The following CDYL2 variants were observed in gnomAD, a reference collection of about 807,000 sequenced individuals.
The protein encoded by CDYL2 is chromodomain Y like 2.
Under a neutral mutation model 49.4 loss-of-function variants are expected in CDYL2, and 23 were observed. The ratio of observed to expected loss-of-function variants is 0.47; its 90% confidence interval spans 0.34 to 0.66. The LOEUF (loss-of-function observed/expected upper bound fraction) is 0.66. Among genes scored for constraint, CDYL2 ranks in the 30% least tolerant of loss-of-function variants. CDYL2 has a pLI of 0.01. For synonymous variants in CDYL2, 360 were observed against 268.8 expected, an observed-to-expected ratio of 1.34 and a Z score of -3.32; for missense variants, 678 against 656.4, an observed-to-expected ratio of 1.03 and a Z score of -0.36.
chr16:80,714,455 A>G (rs1904727994), intron 1 of CDYL2, among the ~76,000 whole-genome samples: 1 of 152,200 alleles, frequency 6.6e-6, no homozygotes, highest in Admixed American at 6.5e-5. Context: ...AAATATGTAC[A>G]ATTACTATAT....
At chr16:80,728,017 A>G (rs1439466079) in intron 1 of CDYL2, among the ~76,000 whole-genome samples, 1 of 152,222 alleles carries the variant, frequency 6.6e-6, no homozygotes, top group Non-Finnish European at 1.5e-5. Context: ...GAGCAGAAAA[A>G]CTGGAAACTC....
rs1230039127 is a variant in CDYL2 at position 80,613,424 on chromosome 16, G to A, written c.1008-588C>T. On this transcript the variant is annotated intron_variant, in intron 4 of 6. Transcript: ENST00000570137. Reference sequence around the variant, plus strand: ...ATGGTGGGTACATGTTGGGATTGATGACATTTTTCTTTCAAAAATCACACC... The same window carrying A: ...ATGGTGGGTACATGTTGGGATTGATAACATTTTTCTTTCAAAAATCACACC... Among the ~76,000 whole-genome samples, 7 of 152,136 alleles carry A rather than the reference G, an allele frequency of 4.6e-5. No homozygotes were observed. In the East Asian group the frequency reaches 1.2e-3, roughly 25 times the overall value.
At chr16:80,804,713 G>C (rs938026610), upstream of CDYL2, among the ~76,000 whole-genome samples, 1 of 148,720 alleles carries the variant, frequency 6.7e-6, no homozygotes, top group Non-Finnish European at 1.5e-5. Context: ...GCTCGGGCCC[G>C]CCCCGCCACC....
At chr16:80,718,966 C>A (rs191792440) in intron 1 of CDYL2, among the ~76,000 whole-genome samples, 1 of 152,266 alleles carries the variant, frequency 6.6e-6, no homozygotes, top group East Asian at 1.9e-4. Context: ...TTGTTCTTGG[C>A]AGTAAATCCA....
intron 1 of CDYL2, among the ~76,000 whole-genome samples, chr16:80,727,442 G>C (rs532916095): frequency 6.6e-6 from 1 of 152,214 alleles, no homozygotes; most frequent in Non-Finnish European, 1.5e-5. Context: ...GGCTCGGAAG[G>C]TCCTACGCCC....
At chr16:80,762,378 A>G (rs1024486624) in intron 1 of CDYL2, among the ~76,000 whole-genome samples, 3 of 152,178 alleles carry the variant, frequency 2.0e-5, no homozygotes, top group Non-Finnish European at 4.4e-5. Flanking sequence ...CTTCAACGGG[A>G]GCAAACCAAA....
intron 1 of CDYL2, among the ~76,000 whole-genome samples, chr16:80,698,947 A>C (rs1033713466): frequency 1.2e-4 from 18 of 152,358 alleles, no homozygotes; most frequent in Admixed American, 5.9e-4. Context: ...AATGCAAATC[A>C]AAACCACAAT....
chr16:80,678,782 A>C (rs559849170), intron 2 of CDYL2, among the ~76,000 whole-genome samples: 11,268 of 150,772 alleles, frequency 0.075, 1,231 homozygotes, highest in African/African-American at 0.22. Flanking sequence ...AAAGGACTAT[A>C]AATCATGCTG....
rs1905937031 is a variant in CDYL2 at position 80,598,529 on chromosome 16, C to G, written c.*5859G>C. 1 of 152,116 alleles carries G rather than the reference C, an allele frequency of 6.6e-6. No homozygotes were observed. Among genetic ancestry groups the G allele is most frequent in the African/African-American group, 2.4e-5 (1 of 41,408 alleles). The allele number at this position is 152,116 out of a possible 1,614,324, so 9.4% of individuals were successfully genotyped here. A position where few individuals can be genotyped will look rare whatever the true frequency, so the allele number is the denominator to read the frequency against. On this transcript the variant is annotated 3_prime_UTR_variant, in exon 7 of 7. Transcript: ENST00000570137. The stretch of plus-strand genomic sequence containing the variant: ...TGGGTCAATGAAGAACAAAAGGAGG[C>G]AGACATTTGGAAAGTGCAGGATCCT...
At chr16:80,695,459 T>C (rs1910582338) in intron 1 of CDYL2, among the ~76,000 whole-genome samples, 1 of 152,170 alleles carries the variant, frequency 6.6e-6, no homozygotes, top group Non-Finnish European at 1.5e-5. Context: ...AAAGAATGAC[T>C]GAATGAACTA....
intron 1 of CDYL2, among the ~76,000 whole-genome samples, chr16:80,728,976 G>T (rs909102391): frequency 6.6e-6 from 1 of 151,464 alleles, no homozygotes; most frequent in African/African-American, 2.4e-5. Flanking sequence ...AGGAACAACC[G>T]GTACCAGCCA....
intron 1 of CDYL2, among the ~76,000 whole-genome samples, chr16:80,701,903 G>C (rs916644530): frequency 1.3e-5 from 2 of 152,148 alleles, no homozygotes; most frequent in Non-Finnish European, 2.9e-5. Context: ...AGAATATAAA[G>C]CCACTATACT....
intron 1 of CDYL2, among the ~76,000 whole-genome samples, chr16:80,769,768 G>C (rs1906846134): frequency 6.6e-6 from 1 of 151,980 alleles, no homozygotes; most frequent in African/African-American, 2.4e-5. Flanking sequence ...ACAATAATAA[G>C]GTATTTGCAT....
chr16:80,804,238 C>A lies in CDYL2; in HGVS notation c.-65G>T. The A allele has an allele frequency of 2.3e-6, 3 of 1,309,862 alleles. No homozygotes were observed. Among genetic ancestry groups the A allele is most frequent in the South Asian group, 1.4e-5 (1 of 69,346 alleles). The allele number at this position is 1,309,862 out of a possible 1,614,324, so 81.1% of individuals were successfully genotyped here. A position where few individuals can be genotyped will look rare whatever the true frequency, so the allele number is the denominator to read the frequency against. ...CTCGCTCGCGCCCTCCGTGCGTGTGCGCGCGGGGTCCGGTGTGCGCGTGTG... is the reference window on the plus strand; with the variant it reads ...CTCGCTCGCGCCCTCCGTGCGTGTGAGCGCGGGGTCCGGTGTGCGCGTGTG... On this transcript the variant is annotated 5_prime_UTR_variant, in exon 1 of 7. Transcript: ENST00000570137.
At chr16:80,756,246 C>A (rs1471741442) in intron 1 of CDYL2, among the ~76,000 whole-genome samples, 1 of 152,108 alleles carries the variant, frequency 6.6e-6, no homozygotes. Flanking sequence ...TCATTAAAAA[C>A]CAAATAGTGG....
At chr16:80,774,870 A>T (rs1340411706) in intron 1 of CDYL2, among the ~76,000 whole-genome samples, 1 of 151,228 alleles carries the variant, frequency 6.6e-6, no homozygotes, top group Non-Finnish European at 1.5e-5. Context: ...GAAGGAGAAA[A>T]GGCATAGAAA....
chr16:80,784,567 T>C (rs530793530), intron 1 of CDYL2, among the ~76,000 whole-genome samples: 88 of 152,176 alleles, frequency 5.8e-4, no homozygotes, highest in African/African-American at 2.0e-3. Flanking sequence ...TTAATAAACA[T>C]ATCAGGGTAA....
chr16:80,775,504 C>A (rs999170318), intron 1 of CDYL2, among the ~76,000 whole-genome samples: 2 of 151,478 alleles, frequency 1.3e-5, no homozygotes, highest in Non-Finnish European at 3.0e-5. Context: ...AAAAAAATAG[C>A]TTCAAATATG....
chr16:80,612,190 C>T lies in CDYL2; in HGVS notation c.1218+436G>A, dbSNP rs114812660. On this transcript the variant is annotated intron_variant, in intron 5 of 6. Coordinates refer to ENST00000570137, the MANE Select transcript of CDYL2 (RefSeq NM_152342.4). This position sits in a 1 kb window ranked among gnomAD's most constrained non-coding sequence, Gnocchi z 5.0. Reference sequence around the variant, plus strand: ...CCTCCAGGGTGATGCTTCTGGCTCTCTCTTCTCTCCCATTGGCTGGAAGTG... The same window carrying T: ...CCTCCAGGGTGATGCTTCTGGCTCTTTCTTCTCTCCCATTGGCTGGAAGTG... 4.8e-3 allele frequency among the ~76,000 whole-genome samples: 727 copies of T among 152,318 alleles called. 3 individuals carry two copies. Among genetic ancestry groups the T allele is most frequent in the African/African-American group, 0.016 (663 of 41,576 alleles).
Sources: gnomAD v4.1 joint callset for allele counts (sites outside exome capture counted in the v4.1 genomes callset) on GRCh38, gnomAD v4.1.1 for gene constraint, Gnocchi (gnomAD v3.1) non-coding constraint, MANE v1.5 for transcripts, NCBI Gene and HGNC (gene_info 2026-07-23, HGNC 2026-07-21) for gene names.